Variants in BORCS5 observed in about 807,000 individuals in gnomAD.
BORCS5 encodes the protein BLOC-1 related complex subunit 5.
In BORCS5, 17 loss-of-function variants were observed where a neutral mutation model predicts 22.1. That is an observed-to-expected ratio of 0.77 (90% CI 0.53 to 1.15). The LOEUF is 1.15. Among genes scored for constraint, BORCS5 ranks in the 50% most tolerant of loss-of-function variants. BORCS5 has a pLI of 0.00. For synonymous variants in BORCS5, 117 were observed against 99.8 expected (o/e 1.17, Z -1.03); for missense variants, 247 against 253.2 (o/e 0.98, Z 0.17).
At position 12,357,430 on chromosome 12, in the gene BORCS5, T is replaced by G; in HGVS notation, c.-22T>G. On this transcript the variant is annotated 5_prime_UTR_variant, in exon 1 of 4. Transcript: ENST00000314565. ...GTGACCGCCCGGCCCGCCGTTCTTC[T>G]GCTGCCACCGCTGTCGGCACCATGG... 1 of 1,603,886 alleles carries G rather than the reference T, an allele frequency of 6.2e-7. No individual in the cohort carries two copies. Among genetic ancestry groups the G allele is most frequent in the Non-Finnish European group, 8.5e-7 (1 of 1,172,520 alleles).
intron 3 of BORCS5, among the ~76,000 whole-genome samples, chr12:12,438,360 C>CA (rs57737663): frequency 0.059 from 1,390 of 23,568 alleles, 35 homozygotes; most frequent in Middle Eastern, 0.1. Flanking sequence ...GATTTCATCT[C>CA]AAAAAAAAAA....
intron 2 of BORCS5, among the ~76,000 whole-genome samples, chr12:12,402,068 A>C (rs1325060930): frequency 1.1e-5 from 1 of 92,898 alleles, no homozygotes; most frequent in Non-Finnish European, 2.2e-5. Flanking sequence ...TCCGTCTCAA[A>C]AAAAAAAAAA....
intron 2 of BORCS5, among the ~76,000 whole-genome samples, chr12:12,415,285 G>A (rs879829014): frequency 2.0e-5 from 3 of 150,590 alleles, no homozygotes; most frequent in Admixed American, 6.6e-5. Context: ...ACGAGACTCC[G>A]TCTGCAATCC....
At chr12:12,394,790 G>A (rs1941290204) in intron 2 of BORCS5, among the ~76,000 whole-genome samples, 1 of 152,066 alleles carries the variant, frequency 6.6e-6, no homozygotes, top group Non-Finnish European at 1.5e-5. Flanking sequence ...TCTGTGTGGA[G>A]TGCCTGTTTC....
intron 2 of BORCS5, among the ~76,000 whole-genome samples, chr12:12,367,773 G>A (rs1038224094): frequency 6.6e-6 from 1 of 152,174 alleles, no homozygotes; most frequent in Admixed American, 6.5e-5. Flanking sequence ...TTAAGTCTCA[G>A]ATGAGGTATT....
At chr12:12,375,371 C>T (rs1232569925) in intron 2 of BORCS5, among the ~76,000 whole-genome samples, 1 of 152,172 alleles carries the variant, frequency 6.6e-6, no homozygotes, top group East Asian at 1.9e-4. Flanking sequence ...TGCCTGTGAT[C>T]ATAGCACTTT....
intron 3 of BORCS5, among the ~76,000 whole-genome samples, chr12:12,461,435 G>A (rs1943102826): frequency 6.6e-6 from 1 of 152,058 alleles, no homozygotes; most frequent in Non-Finnish European, 1.5e-5. Context: ...GCCTCCCAAA[G>A]TACTGAGATG....
intron 2 of BORCS5, among the ~76,000 whole-genome samples, chr12:12,395,596 A>G (rs1045602928): frequency 5.9e-5 from 9 of 151,704 alleles, no homozygotes; most frequent in African/African-American, 1.9e-4. Context: ...AAGGTGGGAA[A>G]ATTAGGTTAG....
intron 2 of BORCS5, among the ~76,000 whole-genome samples, chr12:12,431,231 G>T (rs149209433): frequency 2.6e-5 from 4 of 152,190 alleles, no homozygotes; most frequent in East Asian, 1.9e-4. Flanking sequence ...TATTTTTCAT[G>T]CTTTTCGTTT....
At chr12:12,461,677 G>A (rs1451535276) in intron 3 of BORCS5, among the ~76,000 whole-genome samples, 1 of 152,078 alleles carries the variant, frequency 6.6e-6, no homozygotes, top group Admixed American at 6.6e-5. Flanking sequence ...TGGTCTACAT[G>A]GGGTGCACCT....
At chr12:12,433,228 AG>A (rs1485064043) in intron 2 of BORCS5, among the ~76,000 whole-genome samples, 1 of 145,098 alleles carries the variant, frequency 6.9e-6, no homozygotes, top group Non-Finnish European at 1.5e-5. Flanking sequence ...CCAGCTACTC[AG>A]GGGCCTTGTT....
At chr12:12,412,949 C>T (rs1941781048) in intron 2 of BORCS5, among the ~76,000 whole-genome samples, 1 of 89,512 alleles carries the variant, frequency 1.1e-5, no homozygotes, top group Non-Finnish European at 2.2e-5. Flanking sequence ...GGGTGTTTCT[C>T]ACAGAGGGGG....
chr12:12,382,910 A>G (rs1258044890), intron 2 of BORCS5, among the ~76,000 whole-genome samples: 1 of 151,274 alleles, frequency 6.6e-6, no homozygotes, highest in Non-Finnish European at 1.5e-5. Context: ...TGTAAATAGC[A>G]TATAGTTGGA....
chr12:12,468,859 C>T lies in BORCS5; in HGVS notation c.*3083C>T, dbSNP rs1321893311. On this transcript the variant is annotated 3_prime_UTR_variant, in exon 4 of 4. Coordinates refer to ENST00000314565, the MANE Select transcript of BORCS5 (RefSeq NM_058169.6). ...AACTGGCCTTCATGTCTTTGTTTCC[C>T]TCAAAGTTTTATTCTTAGTAACGCT... 1 of 152,096 alleles carries T rather than the reference C, an allele frequency of 6.6e-6. No homozygotes were observed. Among genetic ancestry groups the T allele is most frequent in the Non-Finnish European group, 1.5e-5 (1 of 68,028 alleles). The allele number at this position is 152,096 out of a possible 1,614,324, so 9.4% of individuals were successfully genotyped here.
intron 2 of BORCS5, among the ~76,000 whole-genome samples, chr12:12,403,141 C>T (rs1443097519): frequency 6.6e-6 from 1 of 151,824 alleles, no homozygotes; most frequent in Non-Finnish European, 1.5e-5. Context: ...AGGTATTTTC[C>T]TCATTTGGCA....
chr12:12,449,733 C>G (rs1034937270), intron 3 of BORCS5, among the ~76,000 whole-genome samples: 6 of 152,176 alleles, frequency 3.9e-5, no homozygotes, highest in African/African-American at 1.2e-4. Context: ...ATGTGGAAAT[C>G]GATGCCGTTC....
At chr12:12,420,214 A>G (rs112196313) in intron 2 of BORCS5, among the ~76,000 whole-genome samples, 34,441 of 135,530 alleles carry the variant, frequency 0.25, 5,160 homozygotes, top group African/African-American at 0.45. Flanking sequence ...TTTTGAATTA[A>G]TTTTTGTATA....
At chr12:12,364,938 A>G (rs919468403) in intron 2 of BORCS5, among the ~76,000 whole-genome samples, 113 of 152,308 alleles carry the variant, frequency 7.4e-4, no homozygotes, top group African/African-American at 2.6e-3. Flanking sequence ...CTGCACTCCA[A>G]TCTGGGCAAC....
At chr12:12,393,062 C>G (rs566438781) in intron 2 of BORCS5, among the ~76,000 whole-genome samples, 1 of 152,042 alleles carries the variant, frequency 6.6e-6, no homozygotes, top group South Asian at 2.1e-4. Context: ...GGCAAAACTC[C>G]GTCTCTACAA....
Sources: gnomAD v4.1 joint callset for allele counts (sites outside exome capture counted in the v4.1 genomes callset) on GRCh38, gnomAD v4.1.1 for gene constraint, MANE v1.5 for transcripts, NCBI Gene and HGNC (gene_info 2026-07-23, HGNC 2026-07-21) for gene names.